The following LRRTM4 variants were observed in gnomAD, a reference collection of about 807,000 sequenced individuals.
LRRTM4 encodes leucine rich repeat transmembrane neuronal 4, also known as leucine-rich repeat transmembrane neuronal protein 4.
Under a neutral mutation model 47.6 loss-of-function variants are expected in LRRTM4, and 25 were observed. That is an observed-to-expected ratio of 0.53 (90% CI 0.38 to 0.73). LRRTM4 has a LOEUF of 0.73. Among genes scored for constraint, LRRTM4 ranks in the 30% least tolerant of loss-of-function variants. LRRTM4 has a pLI of 0.00. For missense variants in LRRTM4, 638 were observed against 713.4 expected (o/e 0.89, Z 1.20); for synonymous variants, 311 against 269.5 (o/e 1.15, Z -1.51).
In LRRTM4 at chr2:77,160,503, A is replaced by T. The variant is rs942779987; in HGVS notation, c.1551+357815T>A. ...AGCCAAAGGACATTGTTTAATATTT[A>T]AAAAAAAAAACTTTAAAAGGCAGTC... On this transcript the variant is annotated intron_variant, in intron 3 of 3. Transcript: ENST00000409884. Among the ~76,000 whole-genome samples the T allele has an allele frequency of 1.1e-4, 4 of 36,352 alleles. No individual in the cohort carries two copies. In the South Asian group the frequency reaches 4.2e-3, roughly 38 times the overall value. The allele number at this position is 36,352 out of a possible 152,430, so 23.8% of individuals were successfully genotyped here.
rs550692227 is a variant in LRRTM4 at position 77,254,961 on chromosome 2, A to G, written c.1551+263357T>C. On this transcript the variant is annotated intron_variant, in intron 3 of 3. Transcript: ENST00000409884. ...ATCAATAATTACATTCATTAAACGT[A>G]AATAATCTAAATAAAACAAAACACA... Among the ~76,000 whole-genome samples the G allele has an allele frequency of 1.3e-4, 20 of 151,986 alleles. No homozygotes were observed. The South Asian group carries it at 3.1e-3, about 24-fold the overall frequency.
chr2:77,262,313 A>G (rs773676753), intron 3 of LRRTM4, among the ~76,000 whole-genome samples: 5 of 152,074 alleles, frequency 3.3e-5, no homozygotes, highest in African/African-American at 4.8e-5. Flanking sequence ...CCCAGTCCAT[A>G]GAAAAATTGT....
chr2:77,088,593 C>G (rs1403321951), intron 3 of LRRTM4, among the ~76,000 whole-genome samples: 1 of 152,150 alleles, frequency 6.6e-6, no homozygotes, highest in East Asian at 1.9e-4. Context: ...TCGGACTCAG[C>G]CCGCCTGCAC....
At chr2:76,804,514 G>A (rs1475482949) in intron 3 of LRRTM4, among the ~76,000 whole-genome samples, 1 of 151,570 alleles carries the variant, frequency 6.6e-6, no homozygotes, top group African/African-American at 2.4e-5. Context: ...GATTTTTGGT[G>A]TATCTATTTT....
At chr2:76,893,425 TTAAAAA>T (rs1673315387) in intron 3 of LRRTM4, among the ~76,000 whole-genome samples, 1 of 151,664 alleles carries the variant, frequency 6.6e-6, no homozygotes, top group Non-Finnish European at 1.5e-5. Context: ...ATTTTAAAAG[TTAAAAA>T]TAATAACTAA....
At chr2:76,986,998 G>A (rs930439420) in intron 3 of LRRTM4, among the ~76,000 whole-genome samples, 1 of 151,802 alleles carries the variant, frequency 6.6e-6, no homozygotes, top group Non-Finnish European at 1.5e-5. Flanking sequence ...CCAAAAGTGG[G>A]AAGGTATTGG....
At chr2:76,946,688 T>G (rs79834763) in intron 3 of LRRTM4, among the ~76,000 whole-genome samples, 2,046 of 151,930 alleles carry the variant, frequency 0.013, 51 homozygotes, top group African/African-American at 0.047. Context: ...CTAGCCAGTT[T>G]CCACAACATT....
intron 3 of LRRTM4, among the ~76,000 whole-genome samples, chr2:76,764,774 C>T (rs1441610894): frequency 1.3e-5 from 2 of 152,146 alleles, no homozygotes; most frequent in Non-Finnish European, 2.9e-5. Flanking sequence ...TAGAGCTATC[C>T]AGCTGCCAAT....
chr2:77,323,410 T>C (rs553036716), intron 3 of LRRTM4, among the ~76,000 whole-genome samples: 3 of 152,258 alleles, frequency 2.0e-5, no homozygotes, highest in South Asian at 2.1e-4. Flanking sequence ...AGAAATACTG[T>C]TGAGGCTCTA....
At chr2:77,023,102 C>A (rs1678331414) in intron 3 of LRRTM4, among the ~76,000 whole-genome samples, 1 of 152,244 alleles carries the variant, frequency 6.6e-6, no homozygotes, top group Admixed American at 6.5e-5. Context: ...CTTCTGTGTA[C>A]CTGCAGGCTC....
At chr2:77,229,267 T>C (rs990401358) in intron 3 of LRRTM4, among the ~76,000 whole-genome samples, 2 of 152,126 alleles carry the variant, frequency 1.3e-5, no homozygotes, top group African/African-American at 4.8e-5. Flanking sequence ...GTCCCTGTTT[T>C]ATGACTTCAG....
At chr2:76,909,885 C>T (rs370161756) in intron 3 of LRRTM4, among the ~76,000 whole-genome samples, 4 of 152,258 alleles carry the variant, frequency 2.6e-5, no homozygotes, top group African/African-American at 7.2e-5. Context: ...GGAACACTTT[C>T]ACATTGTTGG....
intron 3 of LRRTM4, among the ~76,000 whole-genome samples, chr2:76,898,314 TG>T (rs1222044515): frequency 6.6e-6 from 1 of 152,184 alleles, no homozygotes; most frequent in African/African-American, 2.4e-5. Context: ...ATCAAATTTT[TG>T]GAAATCAGCA....
chr2:77,126,141 C>T (rs571889778), intron 3 of LRRTM4, among the ~76,000 whole-genome samples: 5 of 151,480 alleles, frequency 3.3e-5, no homozygotes, highest in Non-Finnish European at 7.4e-5. Context: ...TTGTTTACCC[C>T]CACTCAATTA....
In LRRTM4 at chr2:77,480,783, G is replaced by GCAGTGT. The variant is rs199521864; in HGVS notation, c.1551+37534_1551+37535insACACTG. On this transcript the variant is annotated intron_variant, in intron 3 of 3. Transcript: ENST00000409884. ...AAACTTGCTATGTGTGGCTGTTTTAGGAGTGTGTGTGTGTGTGTGTGTGTG... is the reference window on the plus strand; with the variant it reads ...AAACTTGCTATGTGTGGCTGTTTTAGCAGTGTGAGTGTGTGTGTGTGTGTGTGTGTG... Among the ~76,000 whole-genome samples the GCAGTGT allele has an allele frequency of 3.1e-4, 30 of 97,100 alleles. 3 individuals carry two copies. The highest frequency in any genetic ancestry group is 7.9e-4 in the South Asian group (2 of 2,518). 63.7% of individuals were successfully genotyped at this position (97,100 alleles called of 152,430 possible). A position where few individuals can be genotyped will look rare whatever the true frequency, so the allele number is the denominator to read the frequency against.
chr2:76,807,629 T>C (rs1412965722), intron 3 of LRRTM4, among the ~76,000 whole-genome samples: 1 of 151,774 alleles, frequency 6.6e-6, no homozygotes, highest in Non-Finnish European at 1.5e-5. Context: ...TCTCACTCTG[T>C]TGCCCAGGCT....
At chr2:77,017,269 T>C (rs1030847905) in intron 3 of LRRTM4, among the ~76,000 whole-genome samples, 3 of 152,338 alleles carry the variant, frequency 2.0e-5, no homozygotes, top group Middle Eastern at 3.4e-3. Flanking sequence ...AAGTAATGCA[T>C]ATATTCTCTA....
At chr2:76,968,846 T>C (rs1254705709) in intron 3 of LRRTM4, among the ~76,000 whole-genome samples, 1 of 151,848 alleles carries the variant, frequency 6.6e-6, no homozygotes, top group Non-Finnish European at 1.5e-5. Flanking sequence ...TCTCATTGAT[T>C]TGTGGCTTCC....
At chr2:77,013,128 A>G (rs1423012061) in intron 3 of LRRTM4, among the ~76,000 whole-genome samples, 1 of 152,160 alleles carries the variant, frequency 6.6e-6, no homozygotes, top group Non-Finnish European at 1.5e-5. Context: ...CCATTGAGAT[A>G]GATCATTACA....
Sources: gnomAD v4.1 joint callset for allele counts (sites outside exome capture counted in the v4.1 genomes callset) on GRCh38, gnomAD v4.1.1 for gene constraint, MANE v1.5 for transcripts, NCBI Gene and HGNC (gene_info 2026-07-23, HGNC 2026-07-21) for gene names.